The following HAO2 variants were observed in gnomAD, a reference collection of about 807,000 sequenced individuals.
The protein encoded by HAO2 is 2-Hydroxyacid oxidase 2.
Under a neutral mutation model 37.4 loss-of-function variants are expected in HAO2, and 42 were observed. That is an observed-to-expected ratio of 1.12 (90% CI 0.88 to 1.45). HAO2 has a LOEUF of 1.45. Among genes scored for constraint, HAO2 ranks in the 40% most tolerant of loss-of-function variants. The probability of loss-of-function intolerance (pLI) is 0.00; values close to 1 mark genes in which losing one functional copy is unlikely to be tolerated. For synonymous variants in HAO2, 180 were observed against 162.8 expected (o/e 1.11, Z -0.81); for missense variants, 476 against 430.2 (o/e 1.11, Z -0.94).
At chr1:119,383,793 TC>T (rs1650159982) in intron 3 of HAO2, among the ~76,000 whole-genome samples, 1 of 152,172 alleles carries the variant, frequency 6.6e-6, no homozygotes, top group African/African-American at 2.4e-5. Context: ...TGAGGTCTTT[TC>T]CTTTGACTCC....
At chr1:119,389,287 T>G (rs940756884) in intron 5 of HAO2, among the ~76,000 whole-genome samples, 2 of 148,944 alleles carry the variant, frequency 1.3e-5, no homozygotes, top group Admixed American at 6.8e-5. Flanking sequence ...ATATAATGAC[T>G]TCTTTTCCCC....
At chr1:119,377,549 C>T (rs1427956348) in intron 1 of HAO2, among the ~76,000 whole-genome samples, 1 of 152,168 alleles carries the variant, frequency 6.6e-6, no homozygotes, top group East Asian at 1.9e-4. Flanking sequence ...ATCTTTATAG[C>T]AGCGTCCCAC....
chr1:119,379,992 G>A (rs949586179), intron 1 of HAO2, among the ~76,000 whole-genome samples: 3 of 152,058 alleles, frequency 2.0e-5, no homozygotes, highest in East Asian at 1.9e-4. Flanking sequence ...TAGTTACTGC[G>A]GCCTATCTTC....
chr1:119,390,413 G>A (rs914228700), intron 5 of HAO2, among the ~76,000 whole-genome samples: 2 of 152,010 alleles, frequency 1.3e-5, no homozygotes, highest in African/African-American at 2.4e-5. Flanking sequence ...CACCACGCCT[G>A]GTTATTTGCA....
In HAO2 at chr1:119,394,021, C is replaced by A; in HGVS notation, c.*181C>A. 1 of 1,420,428 alleles carries A rather than the reference C, an allele frequency of 7.0e-7. No individual in the cohort carries two copies. Among genetic ancestry groups the A allele is most frequent in the Admixed American group, 2.7e-5 (1 of 37,298 alleles). The allele number at this position is 1,420,428 out of a possible 1,614,324, so 88.0% of individuals were successfully genotyped here. The stretch of plus-strand genomic sequence containing the variant: ...AGGCCCTCCAAACCCCTGTGTTCCC[C>A]AAATGTTCCATGCCCTTCTTTGTAT... On this transcript the variant is annotated 3_prime_UTR_variant, in exon 8 of 8. Transcript: ENST00000325945.
intron 4 of HAO2, 138 bp downstream of exon 4, chr1:119,385,191 G>C: frequency 7.0e-7 from 1 of 1,428,356 alleles, no homozygotes; most frequent in Non-Finnish European, 9.2e-7. Flanking sequence ...GGATAAAGCA[G>C]TTTCAAAAAG....
chr1:119,374,814 G>A (rs2101177883), intron 1 of HAO2, among the ~76,000 whole-genome samples: 1 of 152,312 alleles, frequency 6.6e-6, no homozygotes, highest in Admixed American at 6.5e-5. Flanking sequence ...TGTTAAATCA[G>A]ATTGCAATAT....
In HAO2 at chr1:119,371,434, AG is replaced by A. The variant is rs780598411; in HGVS notation, c.-9+2533del. On this transcript the variant is annotated intron_variant, in intron 1 of 7. Transcript: ENST00000325945. ...TTTTTAGTGATTGGCTGAATAATTAAGATTTTTTTTAACTTTCTGATTGAGT... is the reference window on the plus strand; with the variant it reads ...TTTTTAGTGATTGGCTGAATAATTAAATTTTTTTTAACTTTCTGATTGAGT... Among the ~76,000 whole-genome samples, 5 of 152,222 alleles carry A rather than the reference AG, an allele frequency of 3.3e-5. No individual in the cohort carries two copies. In the East Asian group the frequency reaches 9.6e-4, roughly 29 times the overall value.
chr1:119,386,506 C>T, intron 4 of HAO2, 116 bp from the exon 5 acceptor site: 2 of 691,858 alleles, frequency 2.9e-6, no homozygotes, highest in South Asian at 1.7e-5. Flanking sequence ...ATGCCCAGCC[C>T]TGTTCTTCCT....
chr1:119,378,013 G>A (rs1649616850), intron 1 of HAO2, among the ~76,000 whole-genome samples: 1 of 152,294 alleles, frequency 6.6e-6, no homozygotes, highest in South Asian at 2.1e-4. Flanking sequence ...GTTACAGTGA[G>A]CTGAGATCAT....
chr1:119,388,035 T>C (rs587632783), intron 5 of HAO2, among the ~76,000 whole-genome samples: 3 of 152,330 alleles, frequency 2.0e-5, no homozygotes, highest in South Asian at 4.1e-4. Context: ...TGTGTCTCTC[T>C]GGTAAGAGCT....
chr1:119,392,334 TG>T, intron 6 of HAO2, 66 bp downstream of exon 6: 3 of 1,328,036 alleles, frequency 2.3e-6, no homozygotes, highest in Non-Finnish European at 3.2e-6. Flanking sequence ...TGCTTTCCTG[TG>T]GTTCATTTTC....
intron 7 of HAO2, among the ~76,000 whole-genome samples, chr1:119,393,322 A>G (rs141130210): frequency 3.9e-4 from 60 of 152,246 alleles, no homozygotes; most frequent in Non-Finnish European, 1.0e-4. Flanking sequence ...AATTTTACAT[A>G]TTAATTAATA....
At chr1:119,373,438 A>G (rs1227137380) in intron 1 of HAO2, among the ~76,000 whole-genome samples, 1 of 152,174 alleles carries the variant, frequency 6.6e-6, no homozygotes, top group Non-Finnish European at 1.5e-5. Context: ...TTCATTTATT[A>G]GCTGTGCTGC....
intron 1 of HAO2, chr1:119,380,371 AT>A: frequency 3.2e-6 from 1 of 310,382 alleles, no homozygotes; most frequent in Non-Finnish European, 5.8e-6. Flanking sequence ...AGGTACCCAA[AT>A]TAGCAAAAAT....
chr1:119,392,035 TG>T, intron 5 of HAO2, 74 bp from the exon 6 acceptor site: 2 of 1,371,032 alleles, frequency 1.5e-6, no homozygotes, highest in Non-Finnish European at 1.0e-6. Context: ...TTGGTTTTCC[TG>T]GTCATATGCC....
chr1:119,392,805 A>G (rs963285981), intron 7 of HAO2, 118 bp downstream of exon 7: 7 of 747,850 alleles, frequency 9.4e-6, no homozygotes, highest in Non-Finnish European at 1.7e-5. Flanking sequence ...AAAAGATAGG[A>G]CAGGCAGGCA....
chr1:119,388,731 G>GC (rs1557855337), intron 5 of HAO2, among the ~76,000 whole-genome samples: 2 of 151,882 alleles, frequency 1.3e-5, no homozygotes, highest in Non-Finnish European at 2.9e-5. Context: ...TTTGCCATTT[G>GC]TTTTTTTAAA....
At chr1:119,373,481 G>C (rs962004857) in intron 1 of HAO2, among the ~76,000 whole-genome samples, 1 of 152,120 alleles carries the variant, frequency 6.6e-6, no homozygotes, top group African/African-American at 2.4e-5. Context: ...TCTCTCTAGG[G>C]TCCTTCTTGG....
Sources: gnomAD v4.1 joint callset for allele counts (sites outside exome capture counted in the v4.1 genomes callset) on GRCh38, gnomAD v4.1.1 for gene constraint, MANE v1.5 for transcripts, NCBI Gene and HGNC (gene_info 2026-07-23, HGNC 2026-07-21) for gene names.